The following SETBP1 variants were observed in gnomAD, a reference collection of about 807,000 sequenced individuals.
The protein encoded by SETBP1 is SET binding protein 1.
Under a neutral mutation model 101.0 loss-of-function variants are expected in SETBP1, and 9 were observed. That is an observed-to-expected ratio of 0.09 (90% confidence interval 0.05 to 0.16). The LOEUF (loss-of-function observed/expected upper bound fraction) is 0.16. Among genes scored for constraint, SETBP1 ranks in the 10% least tolerant of loss-of-function variants. The pLI is 1.00. For missense variants in SETBP1, 1,858 were observed against 2,033.8 expected (o/e 0.91, Z 1.66); for synonymous variants, 818 against 788.5 (o/e 1.04, Z -0.63).
chr18:45,051,865 G>T (rs1400815822), intron 5 of SETBP1, among the ~76,000 whole-genome samples: 2 of 152,248 alleles, frequency 1.3e-5, no homozygotes, highest in Admixed American at 1.3e-4. Flanking sequence ...GGTTCTGAGA[G>T]ACTTTCAGTT....
In SETBP1 at chr18:44,701,709, G is replaced by A; in HGVS notation, c.363G>A (p.Glu121=). Reference sequence around the variant, plus strand: ...CTAAGAAACCCCCAAAGAATTTGGAGAACTATATATGTCCACCTGAGATCA... The same window carrying A: ...CTAAGAAACCCCCAAAGAATTTGGAAAACTATATATGTCCACCTGAGATCA... ...KRAKKPPKNL[E]NYICPPEIKI... The change falls in exon 2 of 6, where the codon GAG becomes GAA. Residue 121 remains glutamate, a synonymous_variant. Coordinates refer to ENST00000649279, the MANE Select transcript of SETBP1 (RefSeq NM_015559.3). The A allele has an allele frequency of 6.2e-7, 1 of 1,613,968 alleles. No homozygotes were observed. The highest frequency in any genetic ancestry group is 1.1e-5 in the South Asian group (1 of 91,066).
chr18:44,745,967 G>GCA (rs1015174462), intron 2 of SETBP1, among the ~76,000 whole-genome samples: 47 of 152,158 alleles, frequency 3.1e-4, no homozygotes, highest in African/African-American at 1.1e-3. Context: ...GATCTGGAAG[G>GCA]CACACACACA....
At chr18:44,759,147 G>T (rs1294962877) in intron 2 of SETBP1, among the ~76,000 whole-genome samples, 2 of 152,172 alleles carry the variant, frequency 1.3e-5, no homozygotes, top group East Asian at 3.9e-4. Context: ...AAATATTTCA[G>T]TTATCAAAAT....
At position 44,898,331 on chromosome 18, in the gene SETBP1, G is replaced by A. The variant is rs1380769599; in HGVS notation, c.540+29048G>A. 3.9e-5 allele frequency among the ~76,000 whole-genome samples: 6 copies of A among 152,232 alleles called. No homozygotes were observed. In the East Asian group the frequency reaches 9.7e-4, roughly 24 times the overall value. ...ATTGAGGATGTGAATGGCTAGCCAC[G>A]TCTCAATTTATGGTACATAGGAGAA... On this transcript the variant is annotated intron_variant, in intron 3 of 5. Coordinates refer to ENST00000649279, the MANE Select transcript of SETBP1 (RefSeq NM_015559.3).
At chr18:45,055,072 A>G (rs547936550) in intron 5 of SETBP1, among the ~76,000 whole-genome samples, 16 of 152,314 alleles carry the variant, frequency 1.1e-4, no homozygotes, top group Admixed American at 9.2e-4. Context: ...TATTAATCAA[A>G]CATCTACTAT....
chr18:44,907,463 T>C (rs1282716241), intron 3 of SETBP1, among the ~76,000 whole-genome samples: 1 of 152,202 alleles, frequency 6.6e-6, no homozygotes, highest in Non-Finnish European at 1.5e-5. Flanking sequence ...CCATTGTATA[T>C]GCTCAGTAAT....
intron 2 of SETBP1, among the ~76,000 whole-genome samples, chr18:44,708,698 A>G (rs2069272712): frequency 1.3e-5 from 2 of 151,926 alleles, no homozygotes; most frequent in African/African-American, 4.8e-5. Flanking sequence ...TTCGGCCAGC[A>G]TACTTTACCT....
chr18:44,905,809 T>C (rs2070162412), intron 3 of SETBP1, among the ~76,000 whole-genome samples: 1 of 152,184 alleles, frequency 6.6e-6, no homozygotes, highest in Admixed American at 6.5e-5. Context: ...CAAAAATTAA[T>C]TGACTGGGAG....
At chr18:44,766,027 T>C (rs757959268) in intron 2 of SETBP1, among the ~76,000 whole-genome samples, 4 of 152,240 alleles carry the variant, frequency 2.6e-5, no homozygotes, top group Admixed American at 2.0e-4. Flanking sequence ...TGCCAGTGCT[T>C]GGATCTTGAG....
At chr18:44,987,312 A>G (rs941507478) in intron 4 of SETBP1, 5 of 152,184 alleles carry the variant, frequency 3.3e-5, no homozygotes, top group Admixed American at 6.5e-5. Flanking sequence ...CTAGTCACAC[A>G]TGTTTGAGAC....
chr18:44,733,694 A>G (rs1375829886), intron 2 of SETBP1, among the ~76,000 whole-genome samples: 1 of 151,830 alleles, frequency 6.6e-6, no homozygotes, highest in African/African-American at 2.4e-5. Flanking sequence ...GAAAACAAAA[A>G]CCCTCTTTCA....
intron 4 of SETBP1, among the ~76,000 whole-genome samples, chr18:44,983,868 T>G (rs2072169193): frequency 6.6e-6 from 1 of 152,202 alleles, no homozygotes; most frequent in Admixed American, 6.5e-5. Flanking sequence ...GTCAAAAGAT[T>G]GTTGTTCCTG....
At chr18:45,019,272 G>A (rs12457805) in intron 4 of SETBP1, among the ~76,000 whole-genome samples, 45,298 of 152,016 alleles carry the variant, frequency 0.3, 6,971 homozygotes, top group East Asian at 0.53. Flanking sequence ...TTTACTGTCA[G>A]GTTTGTTAGT....
At chr18:44,869,601 G>A (rs2069225295) in intron 3 of SETBP1, 1 of 379,648 alleles carries the variant, frequency 2.6e-6, no homozygotes, top group Non-Finnish European at 5.1e-6. Context: ...GGCAGAGGGT[G>A]GGTTGGGTTT....
intron 2 of SETBP1, among the ~76,000 whole-genome samples, chr18:44,852,875 G>A (rs933053797): frequency 2.0e-5 from 3 of 152,158 alleles, no homozygotes; most frequent in Admixed American, 2.0e-4. Flanking sequence ...ATTGCCATGT[G>A]TGTCTATTTT....
intron 4 of SETBP1, among the ~76,000 whole-genome samples, chr18:44,998,979 T>C (rs963352842): frequency 4.6e-5 from 7 of 152,342 alleles, no homozygotes; most frequent in Non-Finnish European, 8.8e-5. Flanking sequence ...ATGTTAACTT[T>C]ATTTATTTGG....
chr18:44,744,517 G>C (rs1193197730), intron 2 of SETBP1, among the ~76,000 whole-genome samples: 1 of 152,254 alleles, frequency 6.6e-6, no homozygotes, highest in Non-Finnish European at 1.5e-5. Flanking sequence ...CCAAGAGCCA[G>C]TGGGAAATGC....
chr18:44,876,419 GCAGA>G, intron 3 of SETBP1: 1 of 610,806 alleles, frequency 1.6e-6, no homozygotes, highest in Non-Finnish European at 2.8e-6. Context: ...AGCCTTGGCT[GCAGA>G]CAGGAATTAT....
chr18:44,904,044 C>A (rs73489157), intron 3 of SETBP1, among the ~76,000 whole-genome samples: 2 of 152,152 alleles, frequency 1.3e-5, no homozygotes, highest in African/African-American at 4.8e-5. Context: ...ACTGAGTCTA[C>A]AGCAGGCAAC....
Sources: gnomAD v4.1 joint callset for allele counts (sites outside exome capture counted in the v4.1 genomes callset) on GRCh38, gnomAD v4.1.1 for gene constraint, MANE v1.5 for transcripts, NCBI Gene and HGNC (gene_info 2026-07-23, HGNC 2026-07-21) for gene names.